ARHGEF12: variants seen among roughly 807,000 people sequenced by gnomAD.
ARHGEF12 encodes KMT2A/ARHGEF12 fusion protein.
In ARHGEF12, 66 loss-of-function variants were observed where a neutral mutation model predicts 211.2. The observed-to-expected ratio is 0.31, with a 90% CI of 0.26 to 0.38. The LOEUF (loss-of-function observed/expected upper bound fraction) is 0.38, where lower values mean the gene tolerates loss of function less well. ARHGEF12 is among the 10% of genes least tolerant of loss of function. The probability of loss-of-function intolerance (pLI) is 1.00; values close to 1 mark genes in which losing one functional copy is unlikely to be tolerated. For synonymous variants in ARHGEF12, 592 were observed against 638.4 expected (o/e 0.93, Z 1.09); for missense variants, 1,429 against 1,869.5 (o/e 0.76, Z 4.34).
Position 120,336,456 on chromosome 11 carries a change from C to A in ARHGEF12, c.-788C>A, listed in dbSNP as rs929476048. On this transcript the variant is annotated 5_prime_UTR_variant, in exon 1 of 41. Coordinates refer to ENST00000397843, the MANE Select transcript of ARHGEF12 (RefSeq NM_015313.3). ...CCTGCGCCGGGAGACGCCGCCGCCT[C>A]CGCCTCCCGGACCAGGGCTTCCAGG... 2.6e-5 allele frequency among the ~76,000 whole-genome samples: 4 copies of A among 151,668 alleles called. No homozygotes were observed. The highest frequency in any genetic ancestry group is 5.9e-5 in the Non-Finnish European group (4 of 67,840).
chr11:120,468,517 C>G (rs1291464103), intron 29 of ARHGEF12, among the ~76,000 whole-genome samples: 1 of 152,192 alleles, frequency 6.6e-6, no homozygotes, highest in Admixed American at 6.5e-5. Flanking sequence ...GGCACAATCT[C>G]TGCTCACTGC....
intron 1 of ARHGEF12, among the ~76,000 whole-genome samples, chr11:120,388,005 G>T (rs970951565): frequency 1.3e-5 from 2 of 152,012 alleles, no homozygotes; most frequent in Non-Finnish European, 2.9e-5. Context: ...GTATATACAC[G>T]ATTAGGAAAC....
intron 34 of ARHGEF12, 120 bp downstream of exon 34, chr11:120,476,868 T>TAA: frequency 1.4e-6 from 1 of 723,100 alleles, no homozygotes; most frequent in Non-Finnish European, 2.2e-6. Context: ...CTCTGTACTC[T>TAA]TTTAGAGACG....
At position 120,369,672 on chromosome 11, in the gene ARHGEF12, A is replaced by C. The variant is rs181759534; in HGVS notation, c.32+32397A>C. ...TTTAAGCTAATTAATTCTAAATTTAAAAGAAGGAAAACACCTGAGAAGCTT... is the reference window on the plus strand; with the variant it reads ...TTTAAGCTAATTAATTCTAAATTTACAAGAAGGAAAACACCTGAGAAGCTT... On this transcript the variant is annotated intron_variant, in intron 1 of 40. Coordinates refer to ENST00000397843, the MANE Select transcript of ARHGEF12 (RefSeq NM_015313.3). 1.6e-4 allele frequency among the ~76,000 whole-genome samples: 24 copies of C among 152,376 alleles called. No homozygotes were observed. The East Asian group carries it at 4.6e-3, about 29-fold the overall frequency.
At chr11:120,483,577 C>G (rs1224850941) in intron 39 of ARHGEF12, among the ~76,000 whole-genome samples, 1 of 151,754 alleles carries the variant, frequency 6.6e-6, no homozygotes, top group Non-Finnish European at 1.5e-5. Flanking sequence ...GTGCCCGCCA[C>G]CACACCCAGC....
rs1945873163 is a variant in ARHGEF12, at chr11:120,441,724, C to T, written c.1110C>T (p.Ser370=). 1.2e-6 allele frequency: 2 copies of T among 1,613,722 alleles called. No homozygotes were observed. Among genetic ancestry groups the T allele is most frequent in the East Asian group, 4.5e-5 (2 of 44,868 alleles). ...TEHEQINGQC[S]CFQSIELLKS... ...TCCTCTAGATCAATGGACAGTGCAG[C>T]TGTTTCCAGAGCATTGAATTACTAA... The change falls in exon 14 of 41, where the codon AGC becomes AGT. Residue 370 remains serine (S), a synonymous_variant. Coordinates refer to ENST00000397843, the MANE Select transcript of ARHGEF12 (RefSeq NM_015313.3).
chr11:120,415,515 AT>A (rs1306781305), intron 4 of ARHGEF12, among the ~76,000 whole-genome samples: 3 of 152,240 alleles, frequency 2.0e-5, no homozygotes, highest in African/African-American at 7.2e-5. Context: ...CAAAGATATG[AT>A]AATGTAGCCA....
chr11:120,387,414 T>G (rs1944071004), intron 1 of ARHGEF12, among the ~76,000 whole-genome samples: 1 of 152,132 alleles, frequency 6.6e-6, no homozygotes, highest in African/African-American at 2.4e-5. Flanking sequence ...ATAAACTAAT[T>G]TTTTGAATGA....
intron 4 of ARHGEF12, among the ~76,000 whole-genome samples, chr11:120,415,439 A>G (rs1164916345): frequency 2.0e-5 from 3 of 152,184 alleles, no homozygotes; most frequent in Non-Finnish European, 2.9e-5. Context: ...CAGATGCTCA[A>G]TGCAAATTTG....
At chr11:120,484,308 A>G (rs979029665) in intron 39 of ARHGEF12, 130 bp from the exon 40 acceptor site, 32 of 675,690 alleles carry the variant, frequency 4.7e-5, no homozygotes, top group Non-Finnish European at 4.9e-6. Context: ...TTAATGATGA[A>G]GTTAATATTT....
chr11:120,367,560 T>G (rs1452349459), intron 1 of ARHGEF12, among the ~76,000 whole-genome samples: 1 of 151,992 alleles, frequency 6.6e-6, no homozygotes, highest in Admixed American at 6.6e-5. Flanking sequence ...GAGATGGGGT[T>G]TCACCATGTT....
rs56970429 is a variant in ARHGEF12 at position 120,411,581 on chromosome 11, C to CTTTTTTTTT, written c.199+2149_199+2157dup. 9.8e-5 allele frequency: 4 copies of CTTTTTTTTT among 40,678 alleles called. 1 individual carries two copies. The highest frequency in any genetic ancestry group is 2.9e-3 in the South Asian group (2 of 688). The allele number at this position is 40,678 out of a possible 1,614,324, so 2.5% of individuals were successfully genotyped here. On this transcript the variant is annotated intron_variant, in intron 4 of 40. Transcript: ENST00000397843. ...TATTATTTATTTTAAACTTTCTTGG[C>CTTTTTTTTT]TTTTTTTTTTTTTTTTTTTTTTTTT...
intron 1 of ARHGEF12, among the ~76,000 whole-genome samples, chr11:120,403,692 G>A (rs542998268): frequency 3.9e-5 from 6 of 152,196 alleles, no homozygotes; most frequent in East Asian, 1.9e-4. Context: ...TTGACCAAGT[G>A]TCCAAGTTAT....
At chr11:120,472,520 A>C (rs1246288406) in intron 30 of ARHGEF12, among the ~76,000 whole-genome samples, 7 of 152,182 alleles carry the variant, frequency 4.6e-5, no homozygotes, top group Non-Finnish European at 8.8e-5. Context: ...ATAAGAGACC[A>C]ATGACTTTGA....
rs181560617 is a variant in ARHGEF12, at chr11:120,382,905, C to T, written c.33-23213C>T. The stretch of plus-strand genomic sequence containing the variant: ...CCTGTAATCCCAGCACTTTGGGGGC[C>T]GAGGTGGGCAGATCACGAGGTCAGG... On this transcript the variant is annotated intron_variant, in intron 1 of 40. Transcript: ENST00000397843. Among the ~76,000 whole-genome samples the T allele has an allele frequency of 4.1e-3, 623 of 152,224 alleles. 2 individuals are homozygous for T. Among genetic ancestry groups the T allele is most frequent in the Admixed American group, 8.4e-3 (128 of 15,298 alleles).
intron 3 of ARHGEF12, 120 bp downstream of exon 3, chr11:120,407,943 C>T (rs1337259382): frequency 2.6e-6 from 2 of 766,226 alleles, no homozygotes; most frequent in East Asian, 2.6e-5. Flanking sequence ...CTCTCACATT[C>T]CTCCAATTAT....
At chr11:120,484,924 C>A in intron 40 of ARHGEF12, 143 bp from the exon 41 acceptor site, 1 of 839,446 alleles carries the variant, frequency 1.2e-6, no homozygotes, top group Non-Finnish European at 1.9e-6. Flanking sequence ...ATTTGTGTTC[C>A]CTGCAGCAGT....
chr11:120,388,859 T>A (rs1274214819), intron 1 of ARHGEF12, among the ~76,000 whole-genome samples: 2 of 152,084 alleles, frequency 1.3e-5, no homozygotes, highest in African/African-American at 2.4e-5. Context: ...CTTTTATTTT[T>A]TTTTTATTTT....
At chr11:120,446,349 T>G (rs1049687050) in intron 16 of ARHGEF12, 54 bp from the exon 17 acceptor site, 56 of 1,385,664 alleles carry the variant, frequency 4.0e-5, no homozygotes, top group Non-Finnish European at 5.4e-5. Context: ...TGTTGCCAAT[T>G]GTATGTTGCC....
Sources: allele counts gnomAD v4.1 joint callset (sites outside exome capture counted in the v4.1 genomes callset), GRCh38; gene constraint gnomAD v4.1.1; transcripts MANE v1.5; gene names NCBI Gene and HGNC (gene_info 2026-07-23, HGNC 2026-07-21).